The following CDKL4 variants were observed in gnomAD, a reference collection of about 807,000 sequenced individuals.
CDKL4 encodes the protein cyclin dependent kinase like 4.
In CDKL4, 44 loss-of-function variants were observed where a neutral mutation model predicts 42.0. That is an observed-to-expected ratio of 1.05 (90% CI 0.82 to 1.35). The LOEUF is 1.35. Among genes scored for constraint, CDKL4 ranks in the 40% most tolerant of loss-of-function variants. The pLI, the probability that CDKL4 is intolerant of heterozygous loss-of-function variation, is 0.00. For synonymous variants in CDKL4, 120 were observed against 121.6 expected, an observed-to-expected ratio of 0.99 and a Z score of 0.09; for missense variants, 393 against 369.9, an observed-to-expected ratio of 1.06 and a Z score of -0.51.
At chr2:39,223,533 T>G (rs1678500572) in intron 3 of CDKL4, among the ~76,000 whole-genome samples, 1 of 148,880 alleles carries the variant, frequency 6.7e-6, no homozygotes, top group Admixed American at 6.8e-5. Flanking sequence ...CCTTGATTAA[T>G]AGGGAAGGAT....
exon 5 of CDKL4, chr2:39,204,559 T>A: frequency 6.2e-7 from 1 of 1,610,160 alleles, no homozygotes; most frequent in Non-Finnish European, 8.5e-7. Flanking sequence ...GTCACAAATC[T>A]TGATTATTCC....
At chr2:39,170,932 C>A (rs1036586493), downstream of CDKL4, among the ~76,000 whole-genome samples, 1 of 151,958 alleles carries the variant, frequency 6.6e-6, no homozygotes, top group Non-Finnish European at 1.5e-5. Context: ...AATTTTATGG[C>A]AAGTAAGCTA....
chr2:39,218,173 T>C (rs1003858942), intron 3 of CDKL4, among the ~76,000 whole-genome samples: 2 of 152,204 alleles, frequency 1.3e-5, no homozygotes, highest in Non-Finnish European at 2.9e-5. Flanking sequence ...CTGTGTTAAC[T>C]TGACTAGGTT....
At chr2:39,205,777 A>AAAAG (rs1553386235) in intron 4 of CDKL4, among the ~76,000 whole-genome samples, 26 of 149,568 alleles carry the variant, frequency 1.7e-4, no homozygotes, top group East Asian at 5.9e-4. Context: ...AAAAAAAAAA[A>AAAAG]AAAGAAAGAA....
At chr2:39,225,062 T>C (rs912641866) in intron 3 of CDKL4, among the ~76,000 whole-genome samples, 1 of 152,234 alleles carries the variant, frequency 6.6e-6, no homozygotes. Context: ...GCTGACATCC[T>C]TGTCTTGTTT....
chr2:39,238,383 T>C lies in CDKL4; in HGVS notation c.-57+5488A>G, dbSNP rs551844120. Among the ~76,000 whole-genome samples the C allele has an allele frequency of 4.6e-5, 7 of 152,306 alleles. No homozygotes were observed. In the South Asian group the frequency reaches 1.5e-3, roughly 32 times the overall value. ...AGGAGTTTGAGGCTACATTGAGTTATGATTATGCCACTGCACTCTAGCCTA... is the reference window on the plus strand; with the variant it reads ...AGGAGTTTGAGGCTACATTGAGTTACGATTATGCCACTGCACTCTAGCCTA... On this transcript the variant is annotated intron_variant, in intron 1 of 9. Transcript: ENST00000451199.
At chr2:39,211,119 T>C (rs958097369) in intron 4 of CDKL4, among the ~76,000 whole-genome samples, 13 of 152,202 alleles carry the variant, frequency 8.5e-5, no homozygotes, top group African/African-American at 3.1e-4. Context: ...TTTTAAAAGC[T>C]ATCATTGGCT....
intron 9 of CDKL4, among the ~76,000 whole-genome samples, chr2:39,176,335 C>G (rs1675164972): frequency 6.6e-6 from 1 of 152,182 alleles, no homozygotes; most frequent in Admixed American, 6.5e-5. Context: ...TTTCAGTACA[C>G]TTAATCTGAG....
intron 5 of CDKL4, among the ~76,000 whole-genome samples, chr2:39,195,619 T>A (rs1188978661): frequency 1.3e-5 from 2 of 151,856 alleles, no homozygotes; most frequent in African/African-American, 4.8e-5. Flanking sequence ...TTTTTACTTT[T>A]TATTTTTTAC....
intron 9 of CDKL4, chr2:39,178,793 G>A (rs555155558): frequency 1.7e-4 from 274 of 1,570,278 alleles, no homozygotes; most frequent in Non-Finnish European, 2.2e-4. Context: ...TCAAGTTACC[G>A]TTATTGCACA....
intron 1 of CDKL4, among the ~76,000 whole-genome samples, chr2:39,233,526 G>C (rs914729693): frequency 1.3e-5 from 2 of 152,102 alleles, no homozygotes; most frequent in African/African-American, 2.4e-5. Flanking sequence ...CACTAAGACA[G>C]GGAAAAAGTG....
At chr2:39,221,945 T>G (rs1430146679) in intron 3 of CDKL4, among the ~76,000 whole-genome samples, 1 of 152,246 alleles carries the variant, frequency 6.6e-6, no homozygotes, top group Non-Finnish European at 1.5e-5. Context: ...CATTTGTAGT[T>G]GTTACTTTGA....
chr2:39,184,101 C>T (rs1558545310), intron 8 of CDKL4, among the ~76,000 whole-genome samples: 1 of 152,216 alleles, frequency 6.6e-6, no homozygotes, highest in South Asian at 2.1e-4. Flanking sequence ...CCAGGCCATT[C>T]TGATGAATAG....
rs2148278198 is a variant in CDKL4, at chr2:39,179,109, G to A, written c.927+78C>T. ...AATGAAAGGTCTTGGTGTCCACCTT[G>A]TCTCACTTTGAAAGGCAGACAAACA... On this transcript the variant is annotated intron_variant, in intron 9 of 9. Coordinates refer to ENST00000451199, the Ensembl canonical transcript of CDKL4. The A allele has an allele frequency of 3.2e-6, 5 of 1,549,886 alleles. No individual in the cohort carries two copies. In the South Asian group the frequency reaches 5.2e-5, roughly 16 times the overall value.
At chr2:39,178,853 C>T in intron 9 of CDKL4, 2 of 1,501,708 alleles carry the variant, frequency 1.3e-6, no homozygotes, top group Non-Finnish European at 8.9e-7. Flanking sequence ...GCTGGCAAAA[C>T]TCAGTCCTGT....
exon 10 of CDKL4, chr2:39,175,925 T>A (rs1177763917): frequency 2.4e-6 from 1 of 422,544 alleles, no homozygotes; most frequent in Non-Finnish European, 4.8e-6. Context: ...TTTGAAACAC[T>A]GAGAATTCCT....
rs556098997 is a variant in CDKL4, at chr2:39,213,926, TTTG to T, written c.291-457_291-455del. ...TTTGTTTTGTTTTGTTTTGTTTTGT[TTTG>T]TTTTTTGAGACAGGGTCTGGCTCTG... On this transcript the variant is annotated intron_variant, in intron 3 of 9. Coordinates refer to ENST00000451199, the Ensembl canonical transcript of CDKL4. 4.2e-3 allele frequency among the ~76,000 whole-genome samples: 625 copies of T among 147,714 alleles called. 4 individuals carry two copies. Among genetic ancestry groups the T allele is most frequent in the Middle Eastern group, 0.028 (8 of 290 alleles).
intron 5 of CDKL4, among the ~76,000 whole-genome samples, chr2:39,200,016 G>C (rs1452259529): frequency 6.6e-6 from 1 of 151,944 alleles, no homozygotes; most frequent in Non-Finnish European, 1.5e-5. Flanking sequence ...AAAAATAAAG[G>C]GCATCTAAAT....
At position 39,213,374 on chromosome 2, in the gene CDKL4, T is replaced by C. The variant is rs1677701292; in HGVS notation, c.363+26A>G. On this transcript the variant is annotated intron_variant, in intron 4 of 9. Coordinates refer to ENST00000451199, the Ensembl canonical transcript of CDKL4. ...AAAAGAGTCATCATGAAGAAATGAA[T>C]AAATACATTAGAAAATGTTACTTAC... 3 of 1,394,456 alleles carry C rather than the reference T, an allele frequency of 2.2e-6. No homozygotes were observed. In the African/African-American group the frequency reaches 4.3e-5, roughly 20 times the overall value. The allele number at this position is 1,394,456 out of a possible 1,614,324, so 86.4% of individuals were successfully genotyped here.
Sources: gnomAD v4.1 joint callset for allele counts (sites outside exome capture counted in the v4.1 genomes callset) on GRCh38, gnomAD v4.1.1 for gene constraint, MANE v1.5 for transcripts, NCBI Gene and HGNC (gene_info 2026-07-23, HGNC 2026-07-21) for gene names.